Variants in GPM6A observed in about 807,000 individuals in gnomAD.
GPM6A encodes glycoprotein M6A, also known as neuronal membrane glycoprotein M6-a.
GPM6A carries 7 observed loss-of-function variants against 32.1 expected under a neutral mutation model. The observed-to-expected ratio is 0.22, with a 90% confidence interval of 0.12 to 0.41. GPM6A has a LOEUF of 0.41. GPM6A is among the 10% of genes least tolerant of loss of function. The pLI is 1.00. For missense variants in GPM6A, 235 were observed against 347.2 expected, an observed-to-expected ratio of 0.68 and a Z score of 2.57; for synonymous variants, 130 against 123.4, an observed-to-expected ratio of 1.05 and a Z score of -0.35.
intron 1 of GPM6A, among the ~76,000 whole-genome samples, chr4:175,750,583 CT>C (rs1253485646): frequency 6.8e-6 from 1 of 147,712 alleles, no homozygotes; most frequent in Admixed American, 6.9e-5. Context: ...TTTTAGCTTC[CT>C]TTTTTTTGAC....
At chr4:175,953,673 G>A (rs986788665) in intron 1 of GPM6A, among the ~76,000 whole-genome samples, 3 of 152,072 alleles carry the variant, frequency 2.0e-5, no homozygotes, top group Non-Finnish European at 4.4e-5. Context: ...AGGCCGAGGT[G>A]GGCGGATCAC....
chr4:175,851,230 A>T (rs575829783), intron 1 of GPM6A, among the ~76,000 whole-genome samples: 205 of 151,364 alleles, frequency 1.4e-3, no homozygotes, highest in Middle Eastern at 3.4e-3. Flanking sequence ...GGTGGCGGGC[A>T]CCTGTAATCC....
chr4:175,908,280 C>G (rs1029710262), intron 1 of GPM6A, among the ~76,000 whole-genome samples: 2 of 152,002 alleles, frequency 1.3e-5, no homozygotes, highest in South Asian at 2.1e-4. Flanking sequence ...TACACAAATC[C>G]CAACATACTA....
intron 3 of GPM6A, among the ~76,000 whole-genome samples, chr4:175,657,512 T>C (rs1029977841): frequency 6.6e-6 from 1 of 152,206 alleles, no homozygotes; most frequent in African/African-American, 2.4e-5. Context: ...TGAAGACTTA[T>C]TTGATCTTCA....
At chr4:175,831,715 CTTTTTTT>C (rs780096379) in intron 1 of GPM6A, among the ~76,000 whole-genome samples, 24 of 69,954 alleles carry the variant, frequency 3.4e-4, no homozygotes, top group East Asian at 2.3e-3. Flanking sequence ...TTAGCCATCT[CTTTTTTT>C]TTTTTTTTTT....
chr4:175,999,078 C>A (rs1008735487), intron 1 of GPM6A, among the ~76,000 whole-genome samples: 7 of 152,160 alleles, frequency 4.6e-5, no homozygotes, highest in African/African-American at 1.4e-4. Flanking sequence ...GGTTCAGTAC[C>A]ACTCCCATTA....
chr4:175,637,890 T>G (rs188384826), intron 6 of GPM6A, among the ~76,000 whole-genome samples: 5,261 of 129,116 alleles, frequency 0.041, 146 homozygotes, highest in Admixed American at 0.073. Context: ...ATATATTATA[T>G]ATATATATAT....
chr4:175,988,879 A>AT (rs1741055299), intron 1 of GPM6A, among the ~76,000 whole-genome samples: 1 of 152,118 alleles, frequency 6.6e-6, no homozygotes, highest in Non-Finnish European at 1.5e-5. Context: ...AAAAGAGTAG[A>AT]TTTTTTTCAT....
chr4:176,000,205 C>T (rs546521499), intron 1 of GPM6A, among the ~76,000 whole-genome samples: 1 of 152,318 alleles, frequency 6.6e-6, no homozygotes, highest in African/African-American at 2.4e-5. Flanking sequence ...TCCTACTAGG[C>T]CCCTGACTAC....
intron 1 of GPM6A, among the ~76,000 whole-genome samples, chr4:175,739,680 T>A (rs2111163234): frequency 6.6e-6 from 1 of 152,164 alleles, no homozygotes; most frequent in South Asian, 2.1e-4. Flanking sequence ...ATAGCAAACC[T>A]CAAATTCTTA....
At chr4:175,651,682 A>G in intron 4 of GPM6A, 152 bp downstream of exon 4, 1 of 585,172 alleles carries the variant, frequency 1.7e-6, no homozygotes, top group Non-Finnish European at 3.0e-6. Context: ...TTTAAAGGGA[A>G]TAGCCTTAGC....
At chr4:175,906,278 C>A (rs767121803) in intron 1 of GPM6A, among the ~76,000 whole-genome samples, 3 of 152,082 alleles carry the variant, frequency 2.0e-5, no homozygotes, top group African/African-American at 4.8e-5. Flanking sequence ...TGATATCTCA[C>A]AATGATTCAT....
At chr4:175,724,266 C>T (rs1746289948) in intron 1 of GPM6A, among the ~76,000 whole-genome samples, 1 of 152,132 alleles carries the variant, frequency 6.6e-6, no homozygotes, top group Non-Finnish European at 1.5e-5. Context: ...TGAACTCGGC[C>T]AGGTGTGGTG....
intron 1 of GPM6A, among the ~76,000 whole-genome samples, chr4:175,942,880 T>C (rs920489572): frequency 6.6e-6 from 1 of 152,174 alleles, no homozygotes; most frequent in African/African-American, 2.4e-5. Flanking sequence ...TTGTACTATA[T>C]GAAATTTAAA....
intron 1 of GPM6A, among the ~76,000 whole-genome samples, chr4:175,924,601 A>G (rs1160059785): frequency 6.6e-6 from 1 of 152,182 alleles, no homozygotes; most frequent in Non-Finnish European, 1.5e-5. Flanking sequence ...GTACTTTGGG[A>G]GGCCGAGGCA....
intron 1 of GPM6A, among the ~76,000 whole-genome samples, chr4:175,864,609 G>A (rs1736674211): frequency 6.6e-6 from 1 of 151,996 alleles, no homozygotes; most frequent in African/African-American, 2.4e-5. Flanking sequence ...ACTACTTCAA[G>A]TGTCCTTTGA....
intron 1 of GPM6A, among the ~76,000 whole-genome samples, chr4:175,954,077 C>T (rs147448331): frequency 9.9e-5 from 15 of 152,214 alleles, no homozygotes; most frequent in South Asian, 2.1e-4. Flanking sequence ...CTTCCTGGCC[C>T]GCTCTATACC....
intron 1 of GPM6A, among the ~76,000 whole-genome samples, chr4:175,919,464 T>C (rs1333363070): frequency 6.6e-6 from 1 of 152,170 alleles, no homozygotes; most frequent in East Asian, 1.9e-4. Flanking sequence ...TAGAGGGTCT[T>C]TTTATTTTTG....
chr4:175,738,979 GA>G (rs1025573606), intron 1 of GPM6A, among the ~76,000 whole-genome samples: 2 of 151,962 alleles, frequency 1.3e-5, no homozygotes, highest in Non-Finnish European at 2.9e-5. Context: ...TTGCTTTCAT[GA>G]AAAAAACATT....
Sources: allele counts gnomAD v4.1 joint callset (sites outside exome capture counted in the v4.1 genomes callset), GRCh38; gene constraint gnomAD v4.1.1; transcripts MANE v1.5; gene names NCBI Gene and HGNC (gene_info 2026-07-23, HGNC 2026-07-21).